PTPRD: variants seen among roughly 807,000 people sequenced by gnomAD.
The protein encoded by PTPRD is receptor-type tyrosine-protein phosphatase delta.
A neutral mutation model predicts 214.5 loss-of-function variants in PTPRD; 34 were observed. The observed-to-expected ratio is 0.16, with a 90% CI of 0.12 to 0.21. The LOEUF is 0.21. Ranked by LOEUF, PTPRD falls within the 10% of genes least tolerant of loss-of-function variation. PTPRD has a pLI of 1.00. For missense variants in PTPRD, 2,545 were observed against 2,398.7 expected, an observed-to-expected ratio of 1.06 and a Z score of -1.27; for synonymous variants, 1,128 against 845.7, an observed-to-expected ratio of 1.33 and a Z score of -5.79.
intron 9 of PTPRD, among the ~76,000 whole-genome samples, chr9:9,262,607 G>A (rs2099980627): frequency 6.6e-6 from 1 of 151,342 alleles, no homozygotes; most frequent in South Asian, 2.1e-4. Flanking sequence ...AAAAAAAAAT[G>A]CCCTTGTATA....
chr9:8,511,667 G>T (rs1388317041), intron 21 of PTPRD, among the ~76,000 whole-genome samples: 1 of 151,878 alleles, frequency 6.6e-6, no homozygotes, highest in African/African-American at 2.4e-5. Context: ...CCATAAACCA[G>T]ATTTACAATA....
intron 8 of PTPRD, among the ~76,000 whole-genome samples, chr9:9,425,681 A>G (rs1248754536): frequency 1.3e-5 from 2 of 151,820 alleles, no homozygotes; most frequent in Non-Finnish European, 2.9e-5. Flanking sequence ...TTGAAATTAC[A>G]TTTAACAATG....
At chr9:9,036,329 A>G (rs552529698) in intron 10 of PTPRD, among the ~76,000 whole-genome samples, 1 of 152,254 alleles carries the variant, frequency 6.6e-6, no homozygotes, top group African/African-American at 2.4e-5. Flanking sequence ...GACAGCTTAC[A>G]TAAATAAAAT....
chr9:8,995,571 C>A (rs1200398224), intron 11 of PTPRD, among the ~76,000 whole-genome samples: 1 of 151,998 alleles, frequency 6.6e-6, no homozygotes, highest in African/African-American at 2.4e-5. Flanking sequence ...TCTCTCTACA[C>A]CCTCTTGAAT....
chr9:8,766,321 A>AGTCAGTGTATCTAAAGTGTCCCAGT (rs2094743286), intron 11 of PTPRD, among the ~76,000 whole-genome samples: 1 of 151,946 alleles, frequency 6.6e-6, no homozygotes, highest in Admixed American at 6.6e-5. Flanking sequence ...ACTGTAGGTG[A>AGTCAGTGTATCTAAAGTGTCCCAGT]GTCAGTGTAT....
intron 8 of PTPRD, chr9:9,442,075 G>C (rs117877710): frequency 6.6e-6 from 1 of 152,340 alleles, no homozygotes; most frequent in African/African-American, 2.4e-5. Context: ...GCGCGGTGGC[G>C]CGTGCCTGTG....
intron 3 of PTPRD, among the ~76,000 whole-genome samples, chr9:10,102,025 G>A (rs2098556158): frequency 6.6e-6 from 1 of 151,682 alleles, no homozygotes; most frequent in Admixed American, 6.6e-5. Flanking sequence ...AGGCACATTT[G>A]TAATTTATAT....
chr9:9,066,181 C>A (rs1000284391), intron 10 of PTPRD, among the ~76,000 whole-genome samples: 3 of 152,102 alleles, frequency 2.0e-5, no homozygotes, highest in African/African-American at 7.2e-5. Flanking sequence ...TTATCCTACT[C>A]TCATAAAATC....
chr9:8,381,589 C>T (rs1331506777), intron 37 of PTPRD, among the ~76,000 whole-genome samples: 2 of 152,102 alleles, frequency 1.3e-5, no homozygotes, highest in Non-Finnish European at 2.9e-5. Flanking sequence ...AGAGGCACTA[C>T]AATATTTGAA....
intron 7 of PTPRD, among the ~76,000 whole-genome samples, chr9:9,705,201 T>C (rs1444494677): frequency 6.6e-6 from 1 of 152,200 alleles, no homozygotes; most frequent in Non-Finnish European, 1.5e-5. Flanking sequence ...TGACAGATAA[T>C]ATTTCATAAT....
intron 2 of PTPRD, among the ~76,000 whole-genome samples, chr9:10,501,775 A>C (rs984663128): frequency 1.3e-5 from 2 of 152,044 alleles, no homozygotes; most frequent in Non-Finnish European, 2.9e-5. Flanking sequence ...TCTCAGATTC[A>C]AGTTACAAAA....
At chr9:9,764,119 A>C (rs1047979072) in intron 6 of PTPRD, among the ~76,000 whole-genome samples, 5 of 152,164 alleles carry the variant, frequency 3.3e-5, no homozygotes, top group Non-Finnish European at 2.9e-5. Flanking sequence ...TATGAAGGCA[A>C]ATAATGTATC....
intron 2 of PTPRD, among the ~76,000 whole-genome samples, chr9:10,501,343 T>C (rs1031811643): frequency 1.3e-5 from 2 of 152,050 alleles, no homozygotes; most frequent in African/African-American, 2.4e-5. Flanking sequence ...TTTTTTAGTT[T>C]GACAAAGGTC....
At chr9:9,522,577 T>A (rs1252662233) in intron 8 of PTPRD, among the ~76,000 whole-genome samples, 1 of 152,146 alleles carries the variant, frequency 6.6e-6, no homozygotes, top group Non-Finnish European at 1.5e-5. Context: ...AGAATCTGGA[T>A]TCTATCCCAG....
At chr9:8,328,216 G>C (rs1835983036) in intron 44 of PTPRD, among the ~76,000 whole-genome samples, 1 of 152,156 alleles carries the variant, frequency 6.6e-6, no homozygotes, top group Admixed American at 6.5e-5. Flanking sequence ...AGGCCTGGTG[G>C]TGACAAAATC....
chr9:10,113,000 A>C (rs529532358), intron 3 of PTPRD, among the ~76,000 whole-genome samples: 9 of 152,350 alleles, frequency 5.9e-5, no homozygotes, highest in Non-Finnish European at 1.2e-4. Flanking sequence ...GCCCAGACAC[A>C]GGAAGGCTTG....
chr9:8,371,014 T>C (rs2081358050), intron 39 of PTPRD, among the ~76,000 whole-genome samples: 1 of 152,038 alleles, frequency 6.6e-6, no homozygotes, highest in Non-Finnish European at 1.5e-5. Context: ...GCAAGAAAGA[T>C]TATTTGATGT....
At chr9:8,772,099 A>G (rs1400504317) in intron 11 of PTPRD, among the ~76,000 whole-genome samples, 2 of 152,090 alleles carry the variant, frequency 1.3e-5, no homozygotes, top group African/African-American at 2.4e-5. Flanking sequence ...GTGCCCACAA[A>G]AATTAAAACT....
At chr9:9,875,057 A>G (rs1055386882) in intron 5 of PTPRD, among the ~76,000 whole-genome samples, 4 of 152,168 alleles carry the variant, frequency 2.6e-5, no homozygotes, top group African/African-American at 9.7e-5. Flanking sequence ...AACACAATGG[A>G]TAAGTTTTAA....
Sources: allele counts gnomAD v4.1 joint callset (sites outside exome capture counted in the v4.1 genomes callset), GRCh38; gene constraint gnomAD v4.1.1; transcripts MANE v1.5; gene names NCBI Gene and HGNC (gene_info 2026-07-23, HGNC 2026-07-21).